The following DACH2 variants were observed in gnomAD, a reference collection of about 807,000 sequenced individuals.
The protein encoded by DACH2 is dachshund family transcription factor 2.
Under a neutral mutation model 35.8 loss-of-function variants are expected in DACH2, and 17 were observed. The observed-to-expected ratio is 0.48, with a 90% CI of 0.33 to 0.71. The LOEUF (loss-of-function observed/expected upper bound fraction) is 0.71. Among genes scored for constraint, DACH2 ranks in the 30% least tolerant of loss-of-function variants. The pLI, the probability that DACH2 is intolerant of heterozygous loss-of-function variation, is 0.02. For missense variants in DACH2, 469 were observed against 472.7 expected, an observed-to-expected ratio of 0.99 and a Z score of 0.07; for synonymous variants, 195 against 177.3, an observed-to-expected ratio of 1.10 and a Z score of -0.79.
intron 7 of DACH2, among the ~76,000 whole-genome samples, chrX:86,795,995 G>A (rs779957338): frequency 8.9e-6 from 1 of 111,816 alleles, no homozygotes; most frequent in East Asian, 2.8e-4. Context: ...AAGAGCGAAA[G>A]AACAAAGCTG....
intron 2 of DACH2, among the ~76,000 whole-genome samples, chrX:86,423,696 G>T (rs1479424008): frequency 9.1e-6 from 1 of 110,267 alleles, no homozygotes; most frequent in African/African-American, 3.3e-5. Context: ...TCCTCTGGTT[G>T]CTTGCACTTG....
chrX:86,458,272 A>G (rs1292486835), intron 2 of DACH2, among the ~76,000 whole-genome samples: 1 of 111,641 alleles, frequency 9.0e-6, no homozygotes, highest in Non-Finnish European at 1.9e-5. Context: ...GTTGGCAAAA[A>G]CCTCAAGTCA....
chrX:86,579,983 C>T (rs912980138), intron 3 of DACH2, among the ~76,000 whole-genome samples: 9 of 111,228 alleles, frequency 8.1e-5, no homozygotes, highest in Non-Finnish European at 1.7e-4. Context: ...CAGAGGAGTT[C>T]GGTGGCCAGC....
intron 2 of DACH2, among the ~76,000 whole-genome samples, chrX:86,404,022 TC>T (rs2036481233): frequency 1.8e-5 from 2 of 109,032 alleles, no homozygotes; most frequent in South Asian, 8.1e-4. Context: ...GAAAACTCAC[TC>T]ACTATCATTA....
intron 6 of DACH2, among the ~76,000 whole-genome samples, chrX:86,723,333 A>ATTT (rs1222391132): frequency 1.5e-4 from 4 of 26,805 alleles, no homozygotes; most frequent in African/African-American, 9.6e-4. Flanking sequence ...TCCTTCTGCT[A>ATTT]ATTTTTTTTT....
chrX:86,368,206 T>C (rs2035833468), intron 1 of DACH2, among the ~76,000 whole-genome samples: 1 of 112,254 alleles, frequency 8.9e-6, no homozygotes, highest in Non-Finnish European at 1.9e-5. Context: ...ATTAATCAGA[T>C]GTATTTGAGT....
In DACH2 at chrX:86,602,837, C is replaced by T. The variant is rs150807974; in HGVS notation, c.641-48199C>T. ...CAAAACTTTAAATTTAGATGAAGCT[C>T]AAATTAACAAGTTTTAAAGATGTTG... On this transcript the variant is annotated intron_variant, in intron 3 of 11. Transcript: ENST00000373125. Among the ~76,000 whole-genome samples the T allele has an allele frequency of 3.3e-3, 363 of 111,409 alleles. 1 individual carries two copies. The highest frequency in any genetic ancestry group is 4.4e-3 in the Non-Finnish European group (232 of 52,969).
intron 1 of DACH2, among the ~76,000 whole-genome samples, chrX:86,328,788 C>T (rs1323136103): frequency 1.8e-5 from 2 of 111,360 alleles, no homozygotes; most frequent in Non-Finnish European, 3.8e-5. Context: ...TTCTTGCCCC[C>T]ACTTTCCCTT....
At chrX:86,819,371 C>T (rs1310522379) in intron 11 of DACH2, among the ~76,000 whole-genome samples, 1 of 110,762 alleles carries the variant, frequency 9.0e-6, no homozygotes, top group African/African-American at 3.3e-5. Context: ...CATCAACCAT[C>T]TTATCAACCA....
intron 11 of DACH2, among the ~76,000 whole-genome samples, chrX:86,820,442 G>A (rs1017628093): frequency 3.6e-5 from 4 of 110,055 alleles, no homozygotes; most frequent in African/African-American, 1.3e-4. Context: ...AAAATTTGAT[G>A]TAAAAGTAAA....
At chrX:86,776,575 G>C (rs1392074142) in intron 7 of DACH2, among the ~76,000 whole-genome samples, 1 of 111,270 alleles carries the variant, frequency 9.0e-6, no homozygotes. Context: ...AGAATGTCTG[G>C]GACAAAAGTT....
intron 1 of DACH2, among the ~76,000 whole-genome samples, chrX:86,238,200 T>C (rs2033094711): frequency 2.7e-5 from 3 of 112,518 alleles, no homozygotes; most frequent in Admixed American, 9.4e-5. Context: ...GTGTATCTTT[T>C]AGATGCTATT....
intron 5 of DACH2, among the ~76,000 whole-genome samples, chrX:86,707,291 A>C (rs2041226810): frequency 8.9e-6 from 1 of 111,920 alleles, no homozygotes; most frequent in Admixed American, 9.5e-5. Flanking sequence ...AAGAAGAAAC[A>C]GATAATCTGA....
chrX:86,635,605 T>A (rs1254916340), intron 3 of DACH2, among the ~76,000 whole-genome samples: 1 of 111,622 alleles, frequency 9.0e-6, no homozygotes, highest in African/African-American at 3.3e-5. Flanking sequence ...TGTTTGCAGA[T>A]GACATGATCC....
At chrX:86,784,154 A>T (rs2042115219) in intron 7 of DACH2, among the ~76,000 whole-genome samples, 1 of 110,590 alleles carries the variant, frequency 9.0e-6, no homozygotes, top group Non-Finnish European at 1.9e-5. Context: ...TAAAAAAAAA[A>T]CTAAAAAGGA....
chrX:86,295,937 G>A (rs774021802), intron 1 of DACH2, among the ~76,000 whole-genome samples: 22 of 110,623 alleles, frequency 2.0e-4, no homozygotes, highest in Admixed American at 4.8e-4. Context: ...ATGTGTGTGT[G>A]TGTATAGATA....
At chrX:86,463,506 C>T (rs916936340) in intron 2 of DACH2, among the ~76,000 whole-genome samples, 1 of 110,402 alleles carries the variant, frequency 9.1e-6, no homozygotes, top group African/African-American at 3.3e-5. Flanking sequence ...CTTCCTTACA[C>T]CTTATACAAA....
intron 1 of DACH2, among the ~76,000 whole-genome samples, chrX:86,151,786 C>T (rs1020293268): frequency 1.8e-5 from 2 of 111,388 alleles, no homozygotes; most frequent in East Asian, 2.8e-4. Flanking sequence ...ATTTCTGTGA[C>T]TTTTCTACTC....
intron 3 of DACH2, among the ~76,000 whole-genome samples, chrX:86,633,003 C>T (rs1335596451): frequency 9.2e-6 from 1 of 109,272 alleles, no homozygotes; most frequent in Non-Finnish European, 1.9e-5. Flanking sequence ...AAATTAATAA[C>T]CAAATGTTGC....
Sources: gnomAD v4.1 joint callset for allele counts (sites outside exome capture counted in the v4.1 genomes callset) on GRCh38, gnomAD v4.1.1 for gene constraint, MANE v1.5 for transcripts, NCBI Gene and HGNC (gene_info 2026-07-23, HGNC 2026-07-21) for gene names.